Variants in FRMD4A observed in about 807,000 individuals in gnomAD.
FRMD4A encodes the protein FERM domain containing 4A.
In FRMD4A, 29 loss-of-function variants were observed where a neutral mutation model predicts 129.1. That is an observed-to-expected ratio of 0.22 (90% CI 0.17 to 0.31). FRMD4A has a LOEUF of 0.31. FRMD4A is among the 10% of genes least tolerant of loss of function. The pLI is 1.00. For synonymous variants in FRMD4A, 634 were observed against 571.6 expected, an observed-to-expected ratio of 1.11 and a Z score of -1.56; for missense variants, 1,272 against 1,375.8, an observed-to-expected ratio of 0.92 and a Z score of 1.19.
chr10:13,810,588 T>C (rs888938008), intron 4 of FRMD4A, among the ~76,000 whole-genome samples: 7 of 152,198 alleles, frequency 4.6e-5, no homozygotes, highest in Non-Finnish European at 7.3e-5. Context: ...TTAGAACTAG[T>C]TTACCTAATA....
intron 9 of FRMD4A, among the ~76,000 whole-genome samples, chr10:13,740,820 G>GAT: frequency 8.8e-6 from 1 of 113,146 alleles, no homozygotes; most frequent in African/African-American, 3.9e-5. Flanking sequence ...CTTTGTCTTG[G>GAT]ATGTTTGTTT....
chr10:14,310,455 T>C (rs764321530), intron 2 of FRMD4A, among the ~76,000 whole-genome samples: 1 of 152,162 alleles, frequency 6.6e-6, no homozygotes, highest in Non-Finnish European at 1.5e-5. Context: ...CCTGAAAAAT[T>C]GAGCTGCAAA....
intron 2 of FRMD4A, among the ~76,000 whole-genome samples, chr10:14,226,726 C>T (rs1377219714): frequency 2.6e-5 from 4 of 152,116 alleles, no homozygotes; most frequent in Non-Finnish European, 4.4e-5. Flanking sequence ...ATCCTTCATT[C>T]GTCACCTCAT....
chr10:14,127,970 CTTTCT>C (rs1838967442), intron 2 of FRMD4A, among the ~76,000 whole-genome samples: 4 of 64,814 alleles, frequency 6.2e-5, no homozygotes, highest in East Asian at 4.0e-4. Context: ...TTCTTTCTTT[CTTTCT>C]TTCCTTCTCT....
chr10:13,684,898 G>A (rs2084937618), intron 15 of FRMD4A: 4 of 984,358 alleles, frequency 4.1e-6, no homozygotes, highest in Non-Finnish European at 4.8e-6. Context: ...GAAGAAGGCG[G>A]TATATTCCCA....
At chr10:13,924,781 T>C (rs1352371136) in intron 2 of FRMD4A, among the ~76,000 whole-genome samples, 2 of 152,170 alleles carry the variant, frequency 1.3e-5, no homozygotes, top group Non-Finnish European at 2.9e-5. Context: ...TGTCATAGTG[T>C]GTTCAGCAGA....
intron 2 of FRMD4A, among the ~76,000 whole-genome samples, chr10:14,317,756 G>GA (rs66793271): frequency 0.23 from 27,943 of 123,278 alleles, 3,615 homozygotes; most frequent in Admixed American, 0.29. Context: ...ACAAGAGACG[G>GA]AAAAAAAAAA....
At chr10:13,766,389 C>T (rs2130719074) in intron 6 of FRMD4A, among the ~76,000 whole-genome samples, 1 of 152,254 alleles carries the variant, frequency 6.6e-6, no homozygotes, top group Non-Finnish European at 1.5e-5. Context: ...ATATCAAAAA[C>T]AGGAGGAGGT....
chr10:14,069,669 C>A (rs1037700847), intron 2 of FRMD4A, among the ~76,000 whole-genome samples: 2 of 152,152 alleles, frequency 1.3e-5, no homozygotes, highest in African/African-American at 2.4e-5. Flanking sequence ...GGTTAATTTA[C>A]TATTATATGA....
At chr10:13,913,634 A>T (rs2094967202) in intron 2 of FRMD4A, among the ~76,000 whole-genome samples, 1 of 152,076 alleles carries the variant, frequency 6.6e-6, no homozygotes, top group Non-Finnish European at 1.5e-5. Flanking sequence ...ACAAACATCT[A>T]CTGAGCTCCT....
intron 2 of FRMD4A, among the ~76,000 whole-genome samples, chr10:14,320,410 A>T (rs373720154): frequency 6.6e-6 from 1 of 151,918 alleles, no homozygotes; most frequent in African/African-American, 2.4e-5. Context: ...GCGGTTTAAC[A>T]TTTCCTCCTG....
rs2086351585 is a variant in FRMD4A, at chr10:13,697,586, A to T, written c.976-3547T>A. On this transcript the variant is annotated intron_variant, in intron 14 of 24. Transcript: ENST00000357447. ...TGGGCTGACCTTAAGGAGTCCCCAG[A>T]CTCTGGAACATTTTGGTCTGGGAGT... 2.0e-5 allele frequency among the ~76,000 whole-genome samples: 3 copies of T among 151,790 alleles called. No individual in the cohort carries two copies. In the South Asian group the frequency reaches 6.3e-4, roughly 32 times the overall value.
In FRMD4A at chr10:13,694,269, C is replaced by T. The variant is rs945158162; in HGVS notation, c.976-230G>A. On this transcript the variant is annotated intron_variant, in intron 14 of 24. Coordinates refer to ENST00000357447, the MANE Select transcript of FRMD4A (RefSeq NM_018027.5). ...TGCATCAATTGAGGATGTTCTAAGC[C>T]TCCGATTCTGTAGGCTGCACTGCTT... 2.0e-5 allele frequency among the ~76,000 whole-genome samples: 3 copies of T among 152,198 alleles called. No individual in the cohort carries two copies. The East Asian group carries it at 5.8e-4, about 29-fold the overall frequency.
intron 2 of FRMD4A, among the ~76,000 whole-genome samples, chr10:13,924,335 C>T (rs1300771661): frequency 6.6e-6 from 1 of 152,064 alleles, no homozygotes; most frequent in Non-Finnish European, 1.5e-5. Flanking sequence ...GTGCATGGGC[C>T]AGCCTAAAAA....
At chr10:13,997,684 G>A (rs1199237276) in intron 2 of FRMD4A, among the ~76,000 whole-genome samples, 3 of 144,758 alleles carry the variant, frequency 2.1e-5, no homozygotes, top group Non-Finnish European at 3.0e-5. Context: ...TTGCAGTGAT[G>A]TAATCTTGGC....
chr10:13,816,820 G>A (rs1027314098), intron 3 of FRMD4A, among the ~76,000 whole-genome samples: 1 of 152,168 alleles, frequency 6.6e-6, no homozygotes, highest in Non-Finnish European at 1.5e-5. Context: ...TAGCCCAATC[G>A]CATTCTATTG....
chr10:14,330,280 G>A, intron 1 of FRMD4A, 97 bp from the exon 2 acceptor site: 3 of 614,368 alleles, frequency 4.9e-6, no homozygotes, highest in South Asian at 3.8e-5. Context: ...GGTCAGGGAA[G>A]ACAGGGTGGG....
chr10:13,779,882 G>C (rs79189227), intron 6 of FRMD4A, among the ~76,000 whole-genome samples: 1,576 of 152,122 alleles, frequency 0.01, 36 homozygotes, highest in African/African-American at 0.036. Context: ...TACACATCAT[G>C]TGAACTTTGT....
chr10:14,175,587 T>C (rs1281513636), intron 2 of FRMD4A, among the ~76,000 whole-genome samples: 1 of 147,120 alleles, frequency 6.8e-6, no homozygotes, highest in African/African-American at 2.5e-5. Flanking sequence ...AGTGGTGCAA[T>C]GATGATGGCT....
Sources: allele counts gnomAD v4.1 joint callset (sites outside exome capture counted in the v4.1 genomes callset), GRCh38; gene constraint gnomAD v4.1.1; transcripts MANE v1.5; gene names NCBI Gene and HGNC (gene_info 2026-07-23, HGNC 2026-07-21).